Variants in CLNK observed in about 807,000 individuals in gnomAD.
The protein encoded by CLNK is cytokine dependent hematopoietic cell linker.
A neutral mutation model predicts 68.6 loss-of-function variants in CLNK; 74 were observed. That is an observed-to-expected ratio of 1.08 (90% confidence interval 0.89 to 1.31). The LOEUF is 1.31. CLNK is among the 50% of genes most tolerant of loss of function. The pLI, the probability that CLNK is intolerant of heterozygous loss-of-function variation, is 0.00. For synonymous variants in CLNK, 198 were observed against 172.2 expected, an observed-to-expected ratio of 1.15 and a Z score of -1.17; for missense variants, 553 against 515.3, an observed-to-expected ratio of 1.07 and a Z score of -0.71.
chr4:10,658,992 C>T (rs1290986234), intron 2 of CLNK, among the ~76,000 whole-genome samples: 2 of 152,086 alleles, frequency 1.3e-5, no homozygotes, highest in East Asian at 3.9e-4. Context: ...TACCTGAGGT[C>T]AGGAGTTTGA....
intron 8 of CLNK, among the ~76,000 whole-genome samples, chr4:10,554,384 G>C (rs1719580058): frequency 6.6e-6 from 1 of 152,112 alleles, no homozygotes; most frequent in Non-Finnish European, 1.5e-5. Flanking sequence ...TATTATTTGG[G>C]GGATAGAAAT....
At chr4:10,539,790 C>T (rs186886696) in intron 11 of CLNK, among the ~76,000 whole-genome samples, 19 of 152,270 alleles carry the variant, frequency 1.2e-4, no homozygotes, top group Middle Eastern at 3.4e-3. Flanking sequence ...TTATATTTCT[C>T]CAGCCTGGGT....
chr4:10,708,728 G>A, the CLNK span, among the ~76,000 whole-genome samples: 10 of 152,194 alleles, frequency 6.6e-5, no homozygotes, highest in Non-Finnish European at 1.2e-4. Flanking sequence ...TAGGGTACAG[G>A]AAGGCCTGGA....
intron 2 of CLNK, among the ~76,000 whole-genome samples, chr4:10,605,192 A>C (rs1168908061): frequency 6.6e-6 from 1 of 152,130 alleles, no homozygotes; most frequent in Non-Finnish European, 1.5e-5. Flanking sequence ...CAGTTCCCAG[A>C]AGCTTGTGAG....
intron 1 of CLNK, among the ~76,000 whole-genome samples, chr4:10,678,476 T>C (rs1001084722): frequency 2.6e-5 from 4 of 152,194 alleles, no homozygotes; most frequent in East Asian, 1.9e-4. Context: ...TAAATCTTAA[T>C]ATTTTCAGAG....
chr4:10,624,259 T>C (rs1452815230), intron 2 of CLNK, among the ~76,000 whole-genome samples: 2 of 152,146 alleles, frequency 1.3e-5, no homozygotes, highest in Non-Finnish European at 2.9e-5. Flanking sequence ...CAAGATAACC[T>C]CCAGCCATGT....
At chr4:10,568,817 T>C (rs1720224326) in intron 5 of CLNK, among the ~76,000 whole-genome samples, 1 of 152,216 alleles carries the variant, frequency 6.6e-6, no homozygotes, top group Non-Finnish European at 1.5e-5. Context: ...GGGAACTAGT[T>C]GAGCCATGCT....
At chr4:10,581,067 G>A (rs899276192) in intron 4 of CLNK, among the ~76,000 whole-genome samples, 1 of 152,054 alleles carries the variant, frequency 6.6e-6, no homozygotes, top group Non-Finnish European at 1.5e-5. Flanking sequence ...TCTATGTTTA[G>A]ATACACAAAT....
chr4:10,633,360 C>T (rs1229811155), intron 2 of CLNK, among the ~76,000 whole-genome samples: 2 of 152,244 alleles, frequency 1.3e-5, no homozygotes, highest in Admixed American at 6.5e-5. Context: ...TTACCATCTT[C>T]ATCAGCTTTG....
intron 2 of CLNK, among the ~76,000 whole-genome samples, chr4:10,655,571 C>T (rs1723943223): frequency 6.7e-6 from 1 of 150,180 alleles, no homozygotes; most frequent in Non-Finnish European, 1.5e-5. Flanking sequence ...TAGAAAAGAT[C>T]TACCTAATAA....
At position 10,654,384 on chromosome 4, in the gene CLNK, A is replaced by AATAT. The variant is rs71281268; in HGVS notation, c.11+13471_11+13474dup. Among the ~76,000 whole-genome samples, 84 of 84,156 alleles carry AATAT rather than the reference A, an allele frequency of 1.0e-3. 6 individuals are homozygous for AATAT. The highest frequency in any genetic ancestry group is 2.6e-3 in the South Asian group (7 of 2,678). 55.2% of individuals were successfully genotyped at this position (84,156 alleles called of 152,430 possible). On this transcript the variant is annotated intron_variant, in intron 2 of 18. Transcript: ENST00000226951. ...TATATAGATAAATATATATTGATTA[A>AATAT]ATATATATATATATATATAGAAAGT...
At chr4:10,612,942 T>C (rs1722087464) in intron 2 of CLNK, among the ~76,000 whole-genome samples, 1 of 152,228 alleles carries the variant, frequency 6.6e-6, no homozygotes, top group Admixed American at 6.5e-5. Flanking sequence ...ATGCTTGGAA[T>C]AGAACAAGTC....
intron 2 of CLNK, among the ~76,000 whole-genome samples, chr4:10,658,066 C>T (rs146794252): frequency 5.8e-4 from 88 of 152,302 alleles, no homozygotes; most frequent in African/African-American, 1.7e-3. Context: ...GGTCAGCTCA[C>T]GTCACTGCCT....
chr4:10,673,883 C>A (rs778235302), intron 1 of CLNK, among the ~76,000 whole-genome samples: 2 of 152,092 alleles, frequency 1.3e-5, no homozygotes, highest in Admixed American at 1.3e-4. Flanking sequence ...TGCCTTGATT[C>A]GGAGACCTTG....
In CLNK at chr4:10,610,033, GTTTTTTTTTTTT is replaced by G. The variant is rs71181047; in HGVS notation, c.12-11996_12-11985del. The stretch of plus-strand genomic sequence containing the variant: ...TTATGTGCCTTTTAAATGAATGCTC[GTTTTTTTTTTTT>G]TTTTTTTTTTTTTTTTTTTTTTTTT... On this transcript the variant is annotated intron_variant, in intron 2 of 18. Transcript: ENST00000226951. 9.9e-4 allele frequency among the ~76,000 whole-genome samples: 73 copies of G among 73,436 alleles called. 5 individuals carry two copies. The highest frequency in any genetic ancestry group is 9.1e-3 in the Middle Eastern group (1 of 110). The allele number at this position is 73,436 out of a possible 152,430, so 48.2% of individuals were successfully genotyped here. A position where few individuals can be genotyped will look rare whatever the true frequency, so the allele number is the denominator to read the frequency against.
intron 18 of CLNK, among the ~76,000 whole-genome samples, chr4:10,499,678 A>G (rs553849300): frequency 4.6e-5 from 7 of 152,228 alleles, no homozygotes; most frequent in Non-Finnish European, 8.8e-5. Context: ...ACTAAGCACT[A>G]CAGACAAGGT....
At chr4:10,657,836 G>A (rs566823857) in intron 2 of CLNK, among the ~76,000 whole-genome samples, 8 of 152,178 alleles carry the variant, frequency 5.3e-5, no homozygotes, top group Admixed American at 1.3e-4. Flanking sequence ...CCAATCGAGA[G>A]ATATGAAAAA....
intron 7 of CLNK, among the ~76,000 whole-genome samples, chr4:10,560,816 G>T (rs765837863): frequency 6.6e-6 from 1 of 152,204 alleles, no homozygotes; most frequent in African/African-American, 2.4e-5. Context: ...TCCTAGGAAT[G>T]AGATTGTCAT....
At chr4:10,723,437 G>A in the CLNK span, among the ~76,000 whole-genome samples, 1 of 152,162 alleles carries the variant, frequency 6.6e-6, no homozygotes, top group Non-Finnish European at 1.5e-5. Flanking sequence ...AGAGGAACTT[G>A]TGGGTCTCTC....
Sources: allele counts gnomAD v4.1 joint callset (sites outside exome capture counted in the v4.1 genomes callset), GRCh38; gene constraint gnomAD v4.1.1; transcripts MANE v1.5; gene names NCBI Gene and HGNC (gene_info 2026-07-23, HGNC 2026-07-21).